ZDHHC24: variants seen among roughly 807,000 people sequenced by gnomAD.
ZDHHC24 encodes probable palmitoyltransferase ZDHHC24.
A neutral mutation model predicts 23.2 loss-of-function variants in ZDHHC24; 17 were observed. The ratio of observed to expected loss-of-function variants is 0.73; its 90% CI spans 0.50 to 1.10. The LOEUF (loss-of-function observed/expected upper bound fraction) is 1.10, where lower values mean the gene tolerates loss of function less well. Among genes scored for constraint, ZDHHC24 ranks in the 50% least tolerant of loss-of-function variants. The probability of loss-of-function intolerance (pLI) is 0.00; values close to 1 mark genes in which losing one functional copy is unlikely to be tolerated. For missense variants in ZDHHC24, 366 were observed against 393.0 expected, an observed-to-expected ratio of 0.93 and a Z score of 0.58; for synonymous variants, 186 against 194.5, an observed-to-expected ratio of 0.96 and a Z score of 0.36.
intron 2 of ZDHHC24, chr11:66,529,513 G>A (rs1332631188): frequency 1.5e-5 from 11 of 721,352 alleles, no homozygotes; most frequent in Non-Finnish European, 2.5e-5. Context: ...TGGAGGATGA[G>A]AAGAGGACCA....
At chr11:66,524,758 G>C (rs1856410240) in intron 4 of ZDHHC24, among the ~76,000 whole-genome samples, 1 of 152,100 alleles carries the variant, frequency 6.6e-6, no homozygotes, top group Non-Finnish European at 1.5e-5. Context: ...AAATAGAATA[G>C]TAAATTCAAA....
At chr11:66,540,756 C>A (rs1857130128) in intron 2 of ZDHHC24, among the ~76,000 whole-genome samples, 2 of 151,780 alleles carry the variant, frequency 1.3e-5, no homozygotes, top group South Asian at 4.2e-4. Context: ...TTAATGTGTG[C>A]CGCCACAGAA....
chr11:66,531,864 G>A (rs371874837), downstream of ZDHHC24: 291 of 1,593,720 alleles, frequency 1.8e-4, 1 homozygote, highest in East Asian at 3.3e-3. Context: ...GCACAGTGGA[G>A]CCCTGTGGCC....
At chr11:66,524,106 C>T in intron 4 of ZDHHC24, 1 of 593,060 alleles carries the variant, frequency 1.7e-6, no homozygotes, top group Admixed American at 2.6e-5. Flanking sequence ...ATGGCATAAC[C>T]CCCTTGCTAC....
rs776028303 is a variant in ZDHHC24, at chr11:66,539,665, C to T, written c.719G>A (p.Gly240Asp). Residue 240 changes from glycine (G) to aspartate (D), a missense_variant, in exon 3 of 3, where the codon GGT becomes GAT. Physicochemically the swap from Gly to Asp is moderately conservative, Grantham distance 94 (BLOSUM62 -1). Coordinates refer to ENST00000310442, the MANE Select transcript of ZDHHC24 (RefSeq NM_207340.3). ...GGCTGCCTGCAGGTTGTGGCAGGGACCCAGGTCATAGGAGTGCTGGCCCCG... is the reference window on the plus strand; with the variant it reads ...GGCTGCCTGCAGGTTGTGGCAGGGATCCAGGTCATAGGAGTGCTGGCCCCG... ...WARGQHSYDL[G>D]PCHNLQAALG... 1.2e-6 allele frequency: 2 copies of T among 1,611,292 alleles called. No individual in the cohort carries two copies. Among genetic ancestry groups the T allele is most frequent in the East Asian group, 4.5e-5 (2 of 44,850 alleles).
At position 66,545,658 on chromosome 11, in the gene ZDHHC24, C is replaced by A; in HGVS notation, c.281+65G>T. On this transcript the variant is annotated intron_variant, in intron 1 of 2. Transcript: ENST00000310442. The surrounding 1 kb of genome is among the most constrained non-coding windows in gnomAD (Gnocchi z 4.5). ...GTAACCCGGTTCTAACATCTCAGGTCTTGGGGCCCCTCCCCCCTGTCCAAG... is the reference window on the plus strand; with the variant it reads ...GTAACCCGGTTCTAACATCTCAGGTATTGGGGCCCCTCCCCCCTGTCCAAG... 1 of 1,418,974 alleles carries A rather than the reference C, an allele frequency of 7.0e-7. No homozygotes were observed. Among genetic ancestry groups the A allele is most frequent in the Non-Finnish European group, 9.2e-7 (1 of 1,091,386 alleles). 87.9% of individuals were successfully genotyped at this position (1,418,974 alleles called of 1,614,324 possible).
downstream of ZDHHC24, among the ~76,000 whole-genome samples, chr11:66,535,219 GTTTT>G (rs1249270089): frequency 6.6e-6 from 1 of 150,962 alleles, no homozygotes; most frequent in Admixed American, 6.6e-5. Flanking sequence ...TTTTGTTTTA[GTTTT>G]TTTGAGACAG....
rs1305004696 is a variant in ZDHHC24, at chr11:66,537,036, ACAACCAGC to A, written c.*2485_*2492del. ...GCAACAGAGCATGCCTGTTACAAAA[ACAACCAGC>A]CAAGCAGCTCAGATCTTTGTGGGCA... On this transcript the variant is annotated 3_prime_UTR_variant, in exon 3 of 3. Transcript: ENST00000310442. 6.6e-6 allele frequency: 1 copy of A among 151,780 alleles called. No individual in the cohort carries two copies. The highest frequency in any genetic ancestry group is 1.5e-5 in the Non-Finnish European group (1 of 67,928). 9.4% of individuals were successfully genotyped at this position (151,780 alleles called of 1,614,324 possible).
chr11:66,529,937 C>G, intron 2 of ZDHHC24: 1 of 1,603,756 alleles, frequency 6.2e-7, no homozygotes, highest in Non-Finnish European at 8.5e-7. Context: ...GAGAGCCACT[C>G]AAGCTGCACG....
rs1328121145 is a variant in ZDHHC24, at chr11:66,536,584, A to G, written c.*2945T>C. On this transcript the variant is annotated 3_prime_UTR_variant, in exon 3 of 3. Transcript: ENST00000310442. Reference sequence around the variant, plus strand: ...ACACAAAAAAACATGAAAATAAGATATTGTGGGCTGGGCGCAGTGGCTCAT... The same window carrying G: ...ACACAAAAAAACATGAAAATAAGATGTTGTGGGCTGGGCGCAGTGGCTCAT... 1 of 151,736 alleles carries G rather than the reference A, an allele frequency of 6.6e-6. No homozygotes were observed. The highest frequency in any genetic ancestry group is 1.5e-5 in the Non-Finnish European group (1 of 67,624). The allele number at this position is 151,736 out of a possible 1,614,324, so 9.4% of individuals were successfully genotyped here.
Position 66,545,637 on chromosome 11 carries a change from C to T in ZDHHC24, c.281+86G>A. 7.3e-7 allele frequency: 1 copy of T among 1,364,562 alleles called. No homozygotes were observed. Among genetic ancestry groups the T allele is most frequent in the Non-Finnish European group, 9.5e-7 (1 of 1,047,944 alleles). The allele number at this position is 1,364,562 out of a possible 1,614,324, so 84.5% of individuals were successfully genotyped here. A position where few individuals can be genotyped will look rare whatever the true frequency, so the allele number is the denominator to read the frequency against. ...TCTAACAACCTGGATCCTAATGTAACCCGGTTCTAACATCTCAGGTCTTGG... is the reference window on the plus strand; with the variant it reads ...TCTAACAACCTGGATCCTAATGTAATCCGGTTCTAACATCTCAGGTCTTGG... On this transcript the variant is annotated intron_variant, in intron 1 of 2. Coordinates refer to ENST00000310442, the MANE Select transcript of ZDHHC24 (RefSeq NM_207340.3). This position sits in a 1 kb window ranked among gnomAD's most constrained non-coding sequence, Gnocchi z 4.5.
intron 3 of ZDHHC24, among the ~76,000 whole-genome samples, chr11:66,527,969 G>A (rs1271192972): frequency 1.3e-5 from 2 of 152,112 alleles, no homozygotes; most frequent in Non-Finnish European, 2.9e-5. Context: ...GGTGGCTCAT[G>A]CCTATAATCC....
At chr11:66,530,918 A>C (rs1445972147), downstream of ZDHHC24, 15 of 1,613,984 alleles carry the variant, frequency 9.3e-6, no homozygotes, top group Non-Finnish European at 3.4e-6. Flanking sequence ...CCCCACCTTT[A>C]AGCTCACACT....
intron 2 of ZDHHC24, among the ~76,000 whole-genome samples, chr11:66,540,280 G>A (rs1857112180): frequency 6.6e-6 from 1 of 152,044 alleles, no homozygotes; most frequent in South Asian, 2.1e-4. Flanking sequence ...TTAGCCAGAC[G>A]TGGTGGCAGG....
At chr11:66,523,962 G>C in intron 4 of ZDHHC24, 1 of 1,575,366 alleles carries the variant, frequency 6.3e-7, no homozygotes, top group Non-Finnish European at 8.6e-7. Context: ...TGCCTCTTCC[G>C]ACCACACATT....
At chr11:66,541,434 G>A (rs1015307843) in intron 2 of ZDHHC24, among the ~76,000 whole-genome samples, 17 of 151,848 alleles carry the variant, frequency 1.1e-4, no homozygotes, top group Non-Finnish European at 1.0e-4. Context: ...TCTGTTTGAA[G>A]GTCCTGAGGC....
chr11:66,543,945 G>C lies in ZDHHC24; in HGVS notation c.318C>G (p.Arg106=). 6.2e-7 allele frequency: 1 copy of C among 1,613,682 alleles called. No homozygotes were observed. Among genetic ancestry groups the C allele is most frequent in the Non-Finnish European group, 8.5e-7 (1 of 1,179,754 alleles). Residue 106 remains arginine, a synonymous_variant, in exon 2 of 3, where the codon CGC becomes CGG. Coordinates refer to ENST00000310442, the MANE Select transcript of ZDHHC24 (RefSeq NM_207340.3). ...CGCGGCAGGCAGAGCAGTGTCCGCT[G>C]CGTGGCGGCACCTGGCTTTGGCATT... is the stretch of plus-strand genomic sequence containing the variant. ...CYQCQSQVPP[R]SGHCSACRVC...
At chr11:66,530,414 C>A (rs1477125794) in intron 2 of ZDHHC24, among the ~76,000 whole-genome samples, 1 of 152,056 alleles carries the variant, frequency 6.6e-6, no homozygotes, top group South Asian at 2.1e-4. Flanking sequence ...AAGGCTCAGA[C>A]GCAAATGAGC....
At position 66,539,098 on chromosome 11, in the gene ZDHHC24, G is replaced by A. The variant is rs1210293301; in HGVS notation, c.*431C>T. 3 of 287,776 alleles carry A rather than the reference G, an allele frequency of 1.0e-5. No homozygotes were observed. The highest frequency in any genetic ancestry group is 1.6e-5 in the Non-Finnish European group (3 of 190,146). 17.8% of individuals were successfully genotyped at this position (287,776 alleles called of 1,614,324 possible). ...TGGATCAGTAGGACACTGCCTTGGC[G>A]TGCTGGTGCCCCACCCCCAACTCAC... On this transcript the variant is annotated 3_prime_UTR_variant, in exon 3 of 3. Transcript: ENST00000310442.
Sources: allele counts gnomAD v4.1 joint callset (sites outside exome capture counted in the v4.1 genomes callset), GRCh38; gene constraint gnomAD v4.1.1; non-coding constraint Gnocchi (gnomAD v3.1); transcripts MANE v1.5; gene names NCBI Gene and HGNC (gene_info 2026-07-23, HGNC 2026-07-21).